FBXL7: variants seen among roughly 807,000 people sequenced by gnomAD.
FBXL7 encodes the protein F-box and leucine rich repeat protein 7.
In FBXL7, 12 loss-of-function variants were observed where a neutral mutation model predicts 38.3. The observed-to-expected ratio is 0.31, with a 90% CI of 0.20 to 0.51. The LOEUF is 0.51. Among genes scored for constraint, FBXL7 ranks in the 20% least tolerant of loss-of-function variants. FBXL7 has a pLI of 0.98. For missense variants in FBXL7, 567 were observed against 676.4 expected (o/e 0.84, Z 1.79); for synonymous variants, 297 against 300.9 (o/e 0.99, Z 0.13).
intron 2 of FBXL7, among the ~76,000 whole-genome samples, chr5:15,849,451 A>G (rs989152721): frequency 2.2e-4 from 34 of 152,168 alleles, no homozygotes; most frequent in African/African-American, 7.7e-4. Flanking sequence ...TTGATAGGAG[A>G]TAATTGAATT....
chr5:15,754,484 A>G (rs1736239476), intron 2 of FBXL7, among the ~76,000 whole-genome samples: 1 of 152,208 alleles, frequency 6.6e-6, no homozygotes. Context: ...TGATGAGATC[A>G]GTGTAAATGA....
At position 15,756,848 on chromosome 5, in the gene FBXL7, C is replaced by T. The variant is rs140589008; in HGVS notation, c.127+140776C>T. ...AGCATTGTTTAATACTAGAAATAGC[C>T]TTTATGGACTAATAATAAGAAAGAA... On this transcript the variant is annotated intron_variant, in intron 2 of 3. Transcript: ENST00000504595. 6.9e-3 allele frequency among the ~76,000 whole-genome samples: 1,056 copies of T among 152,154 alleles called. 10 individuals carry two copies. Among genetic ancestry groups the T allele is most frequent in the African/African-American group, 0.024 (1,003 of 41,522 alleles).
chr5:15,604,841 C>A (rs555785404), intron 1 of FBXL7, among the ~76,000 whole-genome samples: 45 of 152,264 alleles, frequency 3.0e-4, no homozygotes, highest in Non-Finnish European at 6.3e-4. Flanking sequence ...GTAGCTCTGG[C>A]CTTTCCCACA....
chr5:15,799,681 A>T (rs1737510434), intron 2 of FBXL7, among the ~76,000 whole-genome samples: 1 of 152,134 alleles, frequency 6.6e-6, no homozygotes, highest in African/African-American at 2.4e-5. Flanking sequence ...TCTAAAAAGG[A>T]AAAAAGGTCA....
chr5:15,794,634 A>G (rs563473798), intron 2 of FBXL7, among the ~76,000 whole-genome samples: 1 of 152,274 alleles, frequency 6.6e-6, no homozygotes, highest in Admixed American at 6.5e-5. Context: ...TTTTTTGCTC[A>G]CAGATTCTGG....
intron 2 of FBXL7, among the ~76,000 whole-genome samples, chr5:15,700,085 G>A (rs1303793687): frequency 6.6e-6 from 1 of 152,174 alleles, no homozygotes; most frequent in Non-Finnish European, 1.5e-5. Context: ...TAAAGGTGTT[G>A]TCGATGTTTG....
intron 2 of FBXL7, among the ~76,000 whole-genome samples, chr5:15,736,565 T>C (rs1735754582): frequency 1.3e-5 from 2 of 152,332 alleles, no homozygotes; most frequent in South Asian, 4.1e-4. Context: ...ACAAATTATT[T>C]CTAAGTGCAA....
chr5:15,535,557 T>C (rs999547384), intron 1 of FBXL7, among the ~76,000 whole-genome samples: 2 of 152,200 alleles, frequency 1.3e-5, no homozygotes, highest in African/African-American at 4.8e-5. Flanking sequence ...GCGCTAGAGA[T>C]CTGTGGAACT....
intron 2 of FBXL7, among the ~76,000 whole-genome samples, chr5:15,865,949 C>T (rs950501694): frequency 3.3e-5 from 5 of 152,194 alleles, no homozygotes; most frequent in Non-Finnish European, 5.9e-5. Context: ...TGCTCCCTCC[C>T]TGACACCAGA....
chr5:15,558,514 A>C (rs1269551100), intron 1 of FBXL7, among the ~76,000 whole-genome samples: 1 of 152,216 alleles, frequency 6.6e-6, no homozygotes, highest in Non-Finnish European at 1.5e-5. Flanking sequence ...TCTAAATGGC[A>C]TATATGGTTT....
intron 2 of FBXL7, among the ~76,000 whole-genome samples, chr5:15,689,674 T>A (rs1358865598): frequency 6.6e-6 from 1 of 152,188 alleles, no homozygotes; most frequent in African/African-American, 2.4e-5. Context: ...ACATAGTAAA[T>A]GCTCAATAAA....
chr5:15,638,233 A>G lies in FBXL7; in HGVS notation c.127+22161A>G, dbSNP rs552259997. On this transcript the variant is annotated intron_variant, in intron 2 of 3. Coordinates refer to ENST00000504595, the MANE Select transcript of FBXL7 (RefSeq NM_012304.5). ...GGGGGATCTTGTAGAGGCTTCACAG[A>G]GGAGCTGATGTCTGATCCAGACTTT... is the stretch of plus-strand genomic sequence containing the variant. 1.5e-4 allele frequency among the ~76,000 whole-genome samples: 23 copies of G among 152,352 alleles called. No individual in the cohort carries two copies. The South Asian group carries it at 4.8e-3, about 32-fold the overall frequency.
chr5:15,857,927 G>A (rs1739319375), intron 2 of FBXL7, among the ~76,000 whole-genome samples: 1 of 152,130 alleles, frequency 6.6e-6, no homozygotes. Context: ...TGTTTGTCAT[G>A]TCTCTATTTT....
chr5:15,913,850 AG>A (rs1395955456), intron 2 of FBXL7, among the ~76,000 whole-genome samples: 1 of 152,138 alleles, frequency 6.6e-6, no homozygotes, highest in Non-Finnish European at 1.5e-5. Flanking sequence ...TCTGGAAGAC[AG>A]GGAATTAGAA....
intron 2 of FBXL7, among the ~76,000 whole-genome samples, chr5:15,761,553 AT>A (rs1031137234): frequency 6.6e-6 from 1 of 152,198 alleles, no homozygotes; most frequent in African/African-American, 2.4e-5. Context: ...TTATTTATTT[AT>A]TTTTTTGAAA....
chr5:15,534,494 A>C (rs1737523578), intron 1 of FBXL7, among the ~76,000 whole-genome samples: 1 of 152,196 alleles, frequency 6.6e-6, no homozygotes, highest in African/African-American at 2.4e-5. Context: ...ATGATTTGAT[A>C]GCTCATTTCT....
At chr5:15,698,627 TC>T (rs1743419815) in intron 2 of FBXL7, among the ~76,000 whole-genome samples, 1 of 152,198 alleles carries the variant, frequency 6.6e-6, no homozygotes, top group African/African-American at 2.4e-5. Context: ...TAAAAAGAAT[TC>T]TGTCTGTCTT....
rs958638452 is a variant in FBXL7, at chr5:15,573,659, A to C, written c.38-42324A>C. On this transcript the variant is annotated intron_variant, in intron 1 of 3. Coordinates refer to ENST00000504595, the MANE Select transcript of FBXL7 (RefSeq NM_012304.5). Reference sequence around the variant, plus strand: ...TCTTGTTAAGCAGTGACTTCTGCCAATGTCAAGCAGATAGTTTCTGTTGTT... The same window carrying C: ...TCTTGTTAAGCAGTGACTTCTGCCACTGTCAAGCAGATAGTTTCTGTTGTT... Among the ~76,000 whole-genome samples the C allele has an allele frequency of 3.9e-5, 6 of 152,180 alleles. No homozygotes were observed. In the East Asian group the frequency reaches 1.2e-3, roughly 29 times the overall value.
At chr5:15,545,640 GA>G (rs1481384842) in intron 1 of FBXL7, among the ~76,000 whole-genome samples, 1 of 151,992 alleles carries the variant, frequency 6.6e-6, no homozygotes, top group Non-Finnish European at 1.5e-5. Flanking sequence ...TATATTTATT[GA>G]ATGGATATAT....
Sources: gnomAD v4.1 joint callset for allele counts (sites outside exome capture counted in the v4.1 genomes callset) on GRCh38, gnomAD v4.1.1 for gene constraint, MANE v1.5 for transcripts, NCBI Gene and HGNC (gene_info 2026-07-23, HGNC 2026-07-21) for gene names.